Variants in NOS1 observed in about 807,000 individuals in gnomAD.
The protein encoded by NOS1 is NOS type I.
In NOS1, 51 loss-of-function variants were observed where a neutral mutation model predicts 164.5. The ratio of observed to expected loss-of-function variants is 0.31; its 90% CI spans 0.25 to 0.39. The LOEUF (loss-of-function observed/expected upper bound fraction) is 0.39, where lower values mean the gene tolerates loss of function less well. NOS1 is among the 10% of genes least tolerant of loss of function. The probability of loss-of-function intolerance (pLI) is 1.00; values close to 1 mark genes in which losing one functional copy is unlikely to be tolerated. For missense variants in NOS1, 1,362 were observed against 1,885.6 expected (o/e 0.72, Z 5.14); for synonymous variants, 719 against 745.8 (o/e 0.96, Z 0.59).
At chr12:117,278,745 C>G (rs904299028) in intron 8 of NOS1, among the ~76,000 whole-genome samples, 3 of 150,298 alleles carry the variant, frequency 2.0e-5, no homozygotes, top group African/African-American at 4.9e-5. Flanking sequence ...TTCTTCAAAT[C>G]ATGGGAGAAA....
intron 10 of NOS1, among the ~76,000 whole-genome samples, chr12:117,271,024 C>T (rs1273789793): frequency 7.9e-5 from 12 of 152,056 alleles, no homozygotes; most frequent in Admixed American, 7.9e-4. Flanking sequence ...GCCTGGGTGA[C>T]AGAGCGAGAC....
chr12:117,347,275 T>C (rs1876396961), intron 1 of NOS1, among the ~76,000 whole-genome samples: 1 of 146,884 alleles, frequency 6.8e-6, no homozygotes, highest in Non-Finnish European at 1.5e-5. Flanking sequence ...TGAAAGAGAG[T>C]GTGACCCTGT....
chr12:117,232,677 C>G (rs1869344166), intron 21 of NOS1, among the ~76,000 whole-genome samples: 1 of 152,132 alleles, frequency 6.6e-6, no homozygotes, highest in Middle Eastern at 3.2e-3. Context: ...TCACACAGCT[C>G]ATAAGCGTGA....
chr12:117,243,442 T>C lies in NOS1; in HGVS notation c.2824-7A>G. ...AGAAGACATCACAGGCTGCCTGTGG[T>C]GTACACAAGGCTTTCAGTGACCTCT... On this transcript the variant is annotated splice_region_variant and splice_polypyrimidine_tract_variant and intron_variant, in intron 18 of 28. Transcript: ENST00000317775. This position sits in a 1 kb window ranked among gnomAD's most constrained non-coding sequence, Gnocchi z 4.3. The C allele has an allele frequency of 1.9e-6, 3 of 1,613,866 alleles. No homozygotes were observed. Among genetic ancestry groups the C allele is most frequent in the South Asian group, 2.2e-5 (2 of 91,018 alleles).
rs1450999814 is a variant in NOS1, at chr12:117,209,927, C to G, written c.*5382G>C. ...ACTCCCTGGGAGGCAGGCCCCTTCC[C>G]TCAGACCCTCAGACCTGTGTTTCCT... On this transcript the variant is annotated 3_prime_UTR_variant, in exon 29 of 29. Coordinates refer to ENST00000317775, the MANE Select transcript of NOS1 (RefSeq NM_000620.5). 1.0e-6 allele frequency: 1 copy of G among 985,378 alleles called. No homozygotes were observed. The highest frequency in any genetic ancestry group is 1.2e-6 in the Non-Finnish European group (1 of 829,982). The allele number at this position is 985,378 out of a possible 1,614,324, so 61.0% of individuals were successfully genotyped here.
chr12:117,341,995 A>G (rs1876132818), intron 1 of NOS1, among the ~76,000 whole-genome samples: 1 of 152,260 alleles, frequency 6.6e-6, no homozygotes, highest in Non-Finnish European at 1.5e-5. Context: ...CCAAGAGGAC[A>G]GCCTCATTAC....
chr12:117,216,248 T>C (rs534548697), intron 28 of NOS1, among the ~76,000 whole-genome samples: 1 of 149,714 alleles, frequency 6.7e-6, no homozygotes, highest in South Asian at 2.1e-4. Context: ...AGTGGCGGGA[T>C]CTTGGCTCAC....
intron 9 of NOS1, among the ~76,000 whole-genome samples, chr12:117,275,131 G>A (rs1297169983): frequency 2.0e-5 from 3 of 151,816 alleles, no homozygotes; most frequent in African/African-American, 7.3e-5. Context: ...AACGTCTTAT[G>A]TACCGCATAA....
chr12:117,309,719 C>G (rs1874335163), intron 3 of NOS1, among the ~76,000 whole-genome samples: 1 of 152,122 alleles, frequency 6.6e-6, no homozygotes, highest in Non-Finnish European at 1.5e-5. Flanking sequence ...ACTTAGCTGT[C>G]AAAACACATC....
intron 1 of NOS1, among the ~76,000 whole-genome samples, chr12:117,360,927 A>C (rs1312821130): frequency 6.6e-6 from 1 of 151,942 alleles, no homozygotes; most frequent in African/African-American, 2.4e-5. Context: ...AGGGTCTTGC[A>C]AAGTTGGAGC....
At chr12:117,281,906 A>T (rs940095013) in intron 7 of NOS1, among the ~76,000 whole-genome samples, 1 of 151,604 alleles carries the variant, frequency 6.6e-6, no homozygotes. Flanking sequence ...CATTAATTTT[A>T]TCCACTTTGC....
rs771824896 is a variant in NOS1, at chr12:117,263,935, C to T, written c.2176G>A (p.Gly726Arg). 20 of 1,613,810 alleles carry T rather than the reference C, an allele frequency of 1.2e-5. 1 individual carries two copies. The highest frequency in any genetic ancestry group is 4.5e-5 in the East Asian group (2 of 44,870). ...ATGGCTCGCCGCTTTGTGGGGGTCC[C>T]GTTGGTGCCTTTCCAGACATGCGTG... Reference protein sequence around the residue: ...WNTHVWKGTNGTPTKRRAIGF... With the variant: ...WNTHVWKGTNRTPTKRRAIGF... Residue 726 changes from glycine to arginine, a missense_variant, in exon 13 of 29, where the codon GGG becomes AGG. Physicochemically the swap from Gly to Arg is moderately radical, Grantham distance 125. Transcript: ENST00000317775.
chr12:117,212,516 A>G lies in NOS1; in HGVS notation c.*2793T>C, dbSNP rs772695267. On this transcript the variant is annotated 3_prime_UTR_variant, in exon 29 of 29. Transcript: ENST00000317775. ...GACACAAGCTGTGGGAACTGGATGC[A>G]TAGTGATGGCAGGTGAGCATGATGT... The G allele has an allele frequency of 3.1e-5, 31 of 985,300 alleles. No homozygotes were observed. Among genetic ancestry groups the G allele is most frequent in the African/African-American group, 3.5e-5 (2 of 57,232 alleles). The allele number at this position is 985,300 out of a possible 1,614,324, so 61.0% of individuals were successfully genotyped here. A position where few individuals can be genotyped will look rare whatever the true frequency, so the allele number is the denominator to read the frequency against.
intron 3 of NOS1, among the ~76,000 whole-genome samples, chr12:117,292,089 C>A (rs1873101465): frequency 6.6e-6 from 1 of 152,076 alleles, no homozygotes; most frequent in Non-Finnish European, 1.5e-5. Context: ...TATTGAGCAC[C>A]TATTATAATA....
chr12:117,357,224 G>T (rs1297686839), intron 1 of NOS1, among the ~76,000 whole-genome samples: 1 of 152,146 alleles, frequency 6.6e-6, no homozygotes, highest in Non-Finnish European at 1.5e-5. Context: ...TCGGGAGGCT[G>T]AGGAGAGATG....
chr12:117,236,409 G>A (rs1476504684), intron 20 of NOS1, among the ~76,000 whole-genome samples: 1 of 152,058 alleles, frequency 6.6e-6, no homozygotes, highest in African/African-American at 2.4e-5. Context: ...TTTGGGGGAG[G>A]AAAGGGTGTC....
Position 117,210,398 on chromosome 12 carries a change from T to C in NOS1, c.*4911A>G, listed in dbSNP as rs1956509295. 7 of 985,330 alleles carry C rather than the reference T, an allele frequency of 7.1e-6. No homozygotes were observed. Among genetic ancestry groups the C allele is most frequent in the Non-Finnish European group, 7.2e-6 (6 of 829,962 alleles). The allele number at this position is 985,330 out of a possible 1,614,324, so 61.0% of individuals were successfully genotyped here. A position where few individuals can be genotyped will look rare whatever the true frequency, so the allele number is the denominator to read the frequency against. ...GTGTTTCTCTCTCCTTGTTGCTTCC[T>C]GGCAGTCTCAGACTACATTCCTGAT... On this transcript the variant is annotated 3_prime_UTR_variant, in exon 29 of 29. Coordinates refer to ENST00000317775, the MANE Select transcript of NOS1 (RefSeq NM_000620.5).
chr12:117,339,309 C>A (rs1443337657), intron 1 of NOS1, among the ~76,000 whole-genome samples: 1 of 152,142 alleles, frequency 6.6e-6, no homozygotes, highest in East Asian at 1.9e-4. Flanking sequence ...ACCTCTGATG[C>A]CCATATCTCA....
chr12:117,225,922 C>G (rs1592928261), intron 24 of NOS1, among the ~76,000 whole-genome samples: 1 of 152,210 alleles, frequency 6.6e-6, no homozygotes, highest in Non-Finnish European at 1.5e-5. Flanking sequence ...AGCCACTGCG[C>G]CCAGCCCAGA....
Sources: gnomAD v4.1 joint callset for allele counts (sites outside exome capture counted in the v4.1 genomes callset) on GRCh38, gnomAD v4.1.1 for gene constraint, Gnocchi (gnomAD v3.1) non-coding constraint, MANE v1.5 for transcripts, NCBI Gene and HGNC (gene_info 2026-07-23, HGNC 2026-07-21) for gene names.